ACSL1: variants seen among roughly 807,000 people sequenced by gnomAD.
ACSL1 encodes acyl-CoA synthetase long chain family member 1, also known as long-chain-fatty-acid--CoA ligase 1.
Under a neutral mutation model 98.4 loss-of-function variants are expected in ACSL1, and 41 were observed. The observed-to-expected ratio is 0.42, with a 90% CI of 0.32 to 0.54. ACSL1 has a LOEUF of 0.54. ACSL1 is among the 20% of genes least tolerant of loss of function. The pLI is 0.13. For missense variants in ACSL1, 734 were observed against 883.1 expected (o/e 0.83, Z 2.14); for synonymous variants, 316 against 322.7 (o/e 0.98, Z 0.22).
chr4:184,813,669 G>C (rs911666394), intron 1 of ACSL1: 2 of 305,990 alleles, frequency 6.5e-6, no homozygotes, highest in East Asian at 1.6e-4. Flanking sequence ...GAAATAAAAG[G>C]CTTTTTGCCA....
chr4:184,762,127 G>A lies in ACSL1; in HGVS notation c.1638+280C>T, dbSNP rs1319131796. Among the ~76,000 whole-genome samples the A allele has an allele frequency of 4.4e-4, 65 of 146,480 alleles. 1 individual carries two copies. Among genetic ancestry groups the A allele is most frequent in the Admixed American group, 4.1e-3 (61 of 14,748 alleles). ...GCCTGGGTGACAAGAACATGATTCC[G>A]TCTCAAAAAAAAAAAACCCCAAAAA... On this transcript the variant is annotated intron_variant, in intron 17 of 20. Coordinates refer to ENST00000281455, the MANE Select transcript of ACSL1 (RefSeq NM_001995.5).
In ACSL1 at chr4:184,776,654, A is replaced by G. The variant is rs773899812; in HGVS notation, c.586T>C (p.Ser196Pro). Residue 196 changes from serine (S) to proline (P), a missense_variant, in exon 7 of 21, where the codon TCT (serine) becomes CCT (proline). Physicochemically the swap from Ser to Pro is moderately conservative, Grantham distance 74 (BLOSUM62 -1). Coordinates refer to ENST00000281455, the MANE Select transcript of ACSL1 (RefSeq NM_001995.5). ...ITYIVNKAEL[S>P]LVFVDKPEKA... Reference sequence around the variant, plus strand: ...TCTGGCTTGTCAACAAAAACCAGAGAGAGTTCAGCTGTAAATGAAGAGATA... The same window carrying G: ...TCTGGCTTGTCAACAAAAACCAGAGGGAGTTCAGCTGTAAATGAAGAGATA... 10 of 1,610,668 alleles carry G rather than the reference A, an allele frequency of 6.2e-6. No individual in the cohort carries two copies. The African/African-American group carries it at 1.1e-4, about 17-fold the overall frequency.
At chr4:184,820,431 C>T (rs1348067005) in intron 1 of ACSL1, among the ~76,000 whole-genome samples, 2 of 152,220 alleles carry the variant, frequency 1.3e-5, no homozygotes, top group Non-Finnish European at 2.9e-5. Flanking sequence ...GATCTTATCA[C>T]TCCCTGAGCC....
Position 184,764,874 on chromosome 4 carries a change from T to C in ACSL1, c.1411A>G (p.Met471Val), listed in dbSNP as rs756601419. The change falls in exon 15 of 21, where the codon ATG becomes GTG. Residue 471 changes from methionine to valine, a missense_variant. Physicochemically the swap from Met to Val is conservative, Grantham distance 21. Coordinates refer to ENST00000281455, the MANE Select transcript of ACSL1 (RefSeq NM_001995.5). Reference sequence around the variant, plus strand: ...ATACCTGCGGTCCAGTCTCCAGGCATGGTCAGGCAGCACCCGGCAGTGCAC... The same window carrying C: ...ATACCTGCGGTCCAGTCTCCAGGCACGGTCAGGCAGCACCCGGCAGTGCAC... ...TECTAGCCLTMPGDWTAGHVG... is the reference protein window; with the variant it reads ...TECTAGCCLTVPGDWTAGHVG... 3.7e-6 allele frequency: 6 copies of C among 1,613,818 alleles called. No individual in the cohort carries two copies. Among genetic ancestry groups the C allele is most frequent in the African/African-American group, 2.7e-5 (2 of 74,862 alleles).
At chr4:184,775,256 A>G (rs1312896115) in intron 7 of ACSL1, among the ~76,000 whole-genome samples, 2 of 152,166 alleles carry the variant, frequency 1.3e-5, no homozygotes, top group Non-Finnish European at 2.9e-5. Flanking sequence ...AACTAAGTAC[A>G]GATCATATTA....
intron 5 of ACSL1, among the ~76,000 whole-genome samples, chr4:184,777,698 G>T (rs78580687): frequency 6.0e-4 from 91 of 152,276 alleles, no homozygotes; most frequent in African/African-American, 2.1e-3. Context: ...CTGACCCAGA[G>T]ATAAGAAAGC....
chr4:184,822,664 A>G (rs1346704785), intron 1 of ACSL1, among the ~76,000 whole-genome samples: 1 of 152,120 alleles, frequency 6.6e-6, no homozygotes, highest in Non-Finnish European at 1.5e-5. Context: ...AACTGAGCCC[A>G]GGGAGGTGGA....
intron 2 of ACSL1, among the ~76,000 whole-genome samples, chr4:184,802,810 C>A (rs1435125547): frequency 6.6e-6 from 1 of 152,196 alleles, no homozygotes; most frequent in African/African-American, 2.4e-5. Flanking sequence ...TCATGTCCTG[C>A]CCCGAATTCT....
intron 15 of ACSL1, among the ~76,000 whole-genome samples, chr4:184,764,034 A>T (rs1274961899): frequency 6.6e-6 from 1 of 152,212 alleles, no homozygotes; most frequent in Non-Finnish European, 1.5e-5. Context: ...GGACAGTGCT[A>T]GGTTCTAGAA....
Position 184,757,379 on chromosome 4 carries a change from T to C in ACSL1, c.1957-114A>G. 2.2e-6 allele frequency: 3 copies of C among 1,359,402 alleles called. No homozygotes were observed. Among genetic ancestry groups the C allele is most frequent in the Non-Finnish European group, 3.0e-6 (3 of 1,009,782 alleles). The allele number at this position is 1,359,402 out of a possible 1,614,324, so 84.2% of individuals were successfully genotyped here. ...TCCAGCCATCCAATCCATCCTCTCA[T>C]TTCAGCCAAGCTGCACCTTCTCAAC... On this transcript the variant is annotated intron_variant, in intron 20 of 20. Transcript: ENST00000281455. This position sits in a 1 kb window ranked among gnomAD's most constrained non-coding sequence, Gnocchi z 4.5.
chr4:184,773,084 T>C lies in ACSL1; in HGVS notation c.912A>G (p.Thr304=). 6.2e-7 allele frequency: 1 copy of C among 1,613,782 alleles called. No individual in the cohort carries two copies. Among genetic ancestry groups the C allele is most frequent in the Non-Finnish European group, 8.5e-7 (1 of 1,179,672 alleles). The change falls in exon 10 of 21, where the codon ACA becomes ACG. Residue 304 remains threonine (T), a synonymous_variant. Transcript: ENST00000281455. The surrounding 1 kb of genome is among the most constrained non-coding windows in gnomAD (Gnocchi z 4.3). ...TGACGACATCCCAAAAAGTTACCTC[T>C]GTTGCTTTCACAAAAGCTGAACAAT... The part of the protein sequence containing the change: ...VSDCSAFVKA[T]ENTVNPCPDD...
intron 2 of ACSL1, among the ~76,000 whole-genome samples, chr4:184,802,504 G>C (rs929778798): frequency 6.6e-6 from 1 of 152,090 alleles, no homozygotes; most frequent in Non-Finnish European, 1.5e-5. Flanking sequence ...GAAAGCAAGC[G>C]ACCACAGAGA....
At position 184,756,945 on chromosome 4, in the gene ACSL1, G is replaced by A. The variant is rs1762185915; in HGVS notation, c.*180C>T. The stretch of plus-strand genomic sequence containing the variant: ...ATAAACATGGTCTGCAACATGAGGT[G>A]ACTGTAAGGCAGTGTTCTCTTTCCT... On this transcript the variant is annotated 3_prime_UTR_variant, in exon 21 of 21. Transcript: ENST00000281455. The A allele has an allele frequency of 1.5e-6, 1 of 664,392 alleles. No individual in the cohort carries two copies. Among genetic ancestry groups the A allele is most frequent in the Admixed American group, 2.8e-5 (1 of 35,756 alleles). The allele number at this position is 664,392 out of a possible 1,614,324, so 41.2% of individuals were successfully genotyped here.
chr4:184,766,057 G>A lies in ACSL1; in HGVS notation c.1264-71C>T, dbSNP rs978394243. 8.2e-6 allele frequency: 12 copies of A among 1,459,960 alleles called. No individual in the cohort carries two copies. The African/African-American group carries it at 1.4e-4, about 17-fold the overall frequency. 90.4% of individuals were successfully genotyped at this position (1,459,960 alleles called of 1,614,324 possible). The stretch of plus-strand genomic sequence containing the variant: ...AAGTCGGCGGCCTCTCCGCCAAGGG[G>A]GCCTGCTTGGGACCCCGTTCCCTAA... On this transcript the variant is annotated intron_variant, in intron 13 of 20. Coordinates refer to ENST00000281455, the MANE Select transcript of ACSL1 (RefSeq NM_001995.5). This position sits in a 1 kb window ranked among gnomAD's most constrained non-coding sequence, Gnocchi z 4.8.
chr4:184,817,773 C>T (rs1772753251), intron 1 of ACSL1, among the ~76,000 whole-genome samples: 1 of 152,128 alleles, frequency 6.6e-6, no homozygotes, highest in African/African-American at 2.4e-5. Context: ...GTGACCGTCG[C>T]CTGGCCTGCC....
chr4:184,819,023 T>A (rs1381062405), intron 1 of ACSL1, among the ~76,000 whole-genome samples: 2 of 151,884 alleles, frequency 1.3e-5, no homozygotes. Flanking sequence ...TGACAGTGAG[T>A]GTAGGTGAGG....
chr4:184,784,072 T>A, intron 3 of ACSL1, 81 bp from the exon 4 acceptor site: 1 of 1,143,212 alleles, frequency 8.7e-7, no homozygotes, highest in Non-Finnish European at 1.3e-6. Context: ...AACCGCACTC[T>A]AATACTAAAC....
At chr4:184,765,193 TCCC>T (rs1186147946) in intron 14 of ACSL1, among the ~76,000 whole-genome samples, 3 of 152,102 alleles carry the variant, frequency 2.0e-5, no homozygotes, top group African/African-American at 7.2e-5. Context: ...AGCAGTGAAC[TCCC>T]TTGGCCAATT....
intron 14 of ACSL1, 114 bp from the exon 15 acceptor site, chr4:184,765,039 T>C (rs1763378216): frequency 3.0e-5 from 31 of 1,026,094 alleles, no homozygotes; most frequent in Non-Finnish European, 4.3e-5. Context: ...TGGTGAAATC[T>C]CATTTCAAAT....
Sources: allele counts gnomAD v4.1 joint callset (sites outside exome capture counted in the v4.1 genomes callset), GRCh38; gene constraint gnomAD v4.1.1; non-coding constraint Gnocchi (gnomAD v3.1); transcripts MANE v1.5; gene names NCBI Gene and HGNC (gene_info 2026-07-23, HGNC 2026-07-21).